Variants in ZNF892 observed in about 807,000 individuals in gnomAD.
ZNF892 encodes zinc finger protein 570-like.
At chr2:95,222,845 G>T in the ZNF892 span, among the ~76,000 whole-genome samples, 1 of 152,092 alleles carries the variant, frequency 6.6e-6, no homozygotes, top group Non-Finnish European at 1.5e-5. Context: ...CCTAACTAAT[G>T]TTTAGGAAAT....
chr2:95,220,835 A>G, the ZNF892 span, among the ~76,000 whole-genome samples: 1 of 152,250 alleles, frequency 6.6e-6, no homozygotes, highest in South Asian at 2.1e-4. Flanking sequence ...CTGGAGAAGA[A>G]TAGCTATGAC....
chr2:95,213,594 C>T, the ZNF892 span, among the ~76,000 whole-genome samples: 1 of 152,144 alleles, frequency 6.6e-6, no homozygotes, highest in African/African-American at 2.4e-5. Context: ...TTTCCTTTCT[C>T]TCTTTTTTCT....
chr2:95,240,411 C>T, the ZNF892 span, among the ~76,000 whole-genome samples: 1 of 152,188 alleles, frequency 6.6e-6, no homozygotes, highest in African/African-American at 2.4e-5. Context: ...TGACCCCACT[C>T]GGGAAACCAT....
chr2:95,212,067 C>T, the ZNF892 span: 5 of 396,730 alleles, frequency 1.3e-5, no homozygotes, highest in Non-Finnish European at 2.2e-5. Context: ...CTTCCTACCT[C>T]GTGAACACTG....
chr2:95,209,601 G>A, the ZNF892 span, among the ~76,000 whole-genome samples: 1 of 152,150 alleles, frequency 6.6e-6, no homozygotes, highest in Non-Finnish European at 1.5e-5. Context: ...CAGCATACAG[G>A]TACTGATGAT....
the ZNF892 span, among the ~76,000 whole-genome samples, chr2:95,238,149 A>G: frequency 5.3e-5 from 8 of 152,250 alleles, no homozygotes; most frequent in African/African-American, 1.9e-4. Context: ...AGAAGATGCC[A>G]TCTAGGACTT....
chr2:95,259,120 T>C, the ZNF892 span: 1 of 152,204 alleles, frequency 6.6e-6, no homozygotes, highest in African/African-American at 2.4e-5. Context: ...TGTTCCTTTC[T>C]TCTGGAGAAA....
chr2:95,248,941 TATTG>T, the ZNF892 span, among the ~76,000 whole-genome samples: 10 of 151,796 alleles, frequency 6.6e-5, no homozygotes, highest in Admixed American at 5.3e-4. Context: ...TTGCATACCT[TATTG>T]ATTGATTGAT....
the ZNF892 span, among the ~76,000 whole-genome samples, chr2:95,258,092 C>G: frequency 6.6e-6 from 1 of 152,322 alleles, no homozygotes; most frequent in African/African-American, 2.4e-5. Context: ...CACTGTCCAA[C>G]AATCCCCAGT....
the ZNF892 span, among the ~76,000 whole-genome samples, chr2:95,251,670 A>G: frequency 1.3e-5 from 2 of 152,256 alleles, no homozygotes; most frequent in African/African-American, 4.8e-5. Context: ...GAGCTTCTGG[A>G]CTGCTAGCCA....
At chr2:95,210,087 GTA>G in the ZNF892 span, among the ~76,000 whole-genome samples, 95 of 149,492 alleles carry the variant, frequency 6.4e-4, no homozygotes, top group South Asian at 0.01. Flanking sequence ...ATGTATATAT[GTA>G]TATATATGTG....
chr2:95,218,252 C>T, the ZNF892 span, among the ~76,000 whole-genome samples: 1 of 152,154 alleles, frequency 6.6e-6, no homozygotes, highest in Admixed American at 6.5e-5. Flanking sequence ...ATTGTGCTTC[C>T]TTGTTTCTTA....
the ZNF892 span, among the ~76,000 whole-genome samples, chr2:95,230,288 G>A: frequency 0.79 from 119,597 of 152,052 alleles, 47,307 homozygotes; most frequent in African/African-American, 0.84. Flanking sequence ...TCGTGTGATG[G>A]GTGCACCAGA....
the ZNF892 span, among the ~76,000 whole-genome samples, chr2:95,256,180 A>G: frequency 4.6e-5 from 7 of 152,108 alleles, no homozygotes; most frequent in African/African-American, 1.4e-4. Context: ...TGGTCTTTAC[A>G]ATTTGGGATG....
the ZNF892 span, among the ~76,000 whole-genome samples, chr2:95,224,689 G>A: frequency 7.9e-5 from 12 of 152,130 alleles, no homozygotes; most frequent in Admixed American, 7.9e-4. Flanking sequence ...ATGAGATTTG[G>A]GCAGGGCCAC....
At chr2:95,210,963 A>G in the ZNF892 span, among the ~76,000 whole-genome samples, 1 of 152,214 alleles carries the variant, frequency 6.6e-6, no homozygotes, top group African/African-American at 2.4e-5. Context: ...CAGGATGTGT[A>G]AAGGGGCTAA....
chr2:95,243,677 G>A, the ZNF892 span, among the ~76,000 whole-genome samples: 5 of 151,940 alleles, frequency 3.3e-5, no homozygotes, highest in Non-Finnish European at 7.4e-5. Flanking sequence ...TGGGAAGTGA[G>A]GAGCGTCTCC....
chr2:95,221,936 C>A, the ZNF892 span, among the ~76,000 whole-genome samples: 1 of 152,136 alleles, frequency 6.6e-6, no homozygotes, highest in South Asian at 2.1e-4. Context: ...CTCCCTCTCT[C>A]TTCCTCCTCC....
At chr2:95,251,386 T>C in the ZNF892 span, among the ~76,000 whole-genome samples, 1 of 152,178 alleles carries the variant, frequency 6.6e-6, no homozygotes, top group Non-Finnish European at 1.5e-5. Flanking sequence ...CTTTCAGATA[T>C]AAAAATCCAA....
Sources: gnomAD v4.1 joint callset for allele counts (sites outside exome capture counted in the v4.1 genomes callset) on GRCh38, gnomAD v4.1.1 for gene constraint, MANE v1.5 for transcripts, NCBI Gene and HGNC (gene_info 2026-07-23, HGNC 2026-07-21) for gene names.